The following FAM241A variants were observed in gnomAD, a reference collection of about 807,000 sequenced individuals.
FAM241A encodes the protein family with sequence similarity 241 member A, also known as uncharacterized protein FAM241A.
In FAM241A, 7 loss-of-function variants were observed where a neutral mutation model predicts 12.2. The observed-to-expected ratio is 0.58, with a 90% CI of 0.33 to 1.08. The LOEUF (loss-of-function observed/expected upper bound fraction) is 1.08, where lower values mean the gene tolerates loss of function less well. Ranked by LOEUF, FAM241A falls within the 50% of genes least tolerant of loss-of-function variation. FAM241A has a pLI of 0.04. For synonymous variants in FAM241A, 74 were observed against 68.2 expected (o/e 1.08, Z -0.42); for missense variants, 161 against 169.7 (o/e 0.95, Z 0.29).
At position 112,191,965 on chromosome 4, in the gene FAM241A, A is replaced by G. The variant is rs1724174488; in HGVS notation, c.*5027A>G. 1 of 152,100 alleles carries G rather than the reference A, an allele frequency of 6.6e-6. No individual in the cohort carries two copies. Among genetic ancestry groups the G allele is most frequent in the South Asian group, 2.1e-4 (1 of 4,822 alleles). 9.4% of individuals were successfully genotyped at this position (152,100 alleles called of 1,614,324 possible). A position where few individuals can be genotyped will look rare whatever the true frequency, so the allele number is the denominator to read the frequency against. On this transcript the variant is annotated 3_prime_UTR_variant, in exon 2 of 2. Coordinates refer to ENST00000309733, the MANE Select transcript of FAM241A (RefSeq NM_152400.3). ...GGCCATCAAAATATTTATCAAGTAA[A>G]CCCACTTCATCTACTCATGGTCTTC...
chr4:112,169,351 G>T (rs2110428910), intron 1 of FAM241A, among the ~76,000 whole-genome samples: 1 of 152,152 alleles, frequency 6.6e-6, no homozygotes, highest in Middle Eastern at 3.4e-3. Context: ...TTCCAATCAG[G>T]ATCTATATTT....
rs191132304 is a variant in FAM241A at position 112,165,885 on chromosome 4, A to G, written c.153+20152A>G. ...TGTTGTCAAAATAATTTAATTGTAC[A>G]TTTAAAAATAACTAAAAGTATAATT... On this transcript the variant is annotated intron_variant, in intron 1 of 1. Transcript: ENST00000309733. Among the ~76,000 whole-genome samples, 169 of 152,322 alleles carry G rather than the reference A, an allele frequency of 1.1e-3. 1 individual carries two copies. The highest frequency in any genetic ancestry group is 4.0e-3 in the African/African-American group (166 of 41,564).
At position 112,166,241 on chromosome 4, in the gene FAM241A, A is replaced by G. The variant is rs1723592908; in HGVS notation, c.154-20452A>G. On this transcript the variant is annotated intron_variant, in intron 1 of 1. Transcript: ENST00000309733. ...TTTTTTTGTATTTTTTTTTTTTAGT[A>G]GAGACGGGGTTTCACAGTGTTAGCA... Among the ~76,000 whole-genome samples, 3 of 151,218 alleles carry G rather than the reference A, an allele frequency of 2.0e-5. No individual in the cohort carries two copies. The South Asian group carries it at 6.3e-4, about 32-fold the overall frequency.
chr4:112,174,060 T>C (rs1366651542), intron 1 of FAM241A, among the ~76,000 whole-genome samples: 4 of 152,178 alleles, frequency 2.6e-5, no homozygotes, highest in Non-Finnish European at 5.9e-5. Context: ...AGGCCTCTGG[T>C]GTTTTTCAGC....
intron 1 of FAM241A, among the ~76,000 whole-genome samples, chr4:112,170,259 C>G (rs1390050046): frequency 6.6e-6 from 1 of 152,140 alleles, no homozygotes; most frequent in Admixed American, 6.5e-5. Flanking sequence ...AGTAGTCCCC[C>G]CTTATCCACA....
Position 112,151,348 on chromosome 4 carries a change from C to T in FAM241A, c.153+5615C>T, listed in dbSNP as rs77221390. On this transcript the variant is annotated intron_variant, in intron 1 of 1. Coordinates refer to ENST00000309733, the MANE Select transcript of FAM241A (RefSeq NM_152400.3). Reference sequence around the variant, plus strand: ...CTAAGGCCCTTACCAGAAGGAGATGCCAGCACTATGTTTCGTGTACAGCCT... The same window carrying T: ...CTAAGGCCCTTACCAGAAGGAGATGTCAGCACTATGTTTCGTGTACAGCCT... Among the ~76,000 whole-genome samples, 303 of 152,304 alleles carry T rather than the reference C, an allele frequency of 2.0e-3. 2 individuals carry two copies. Among genetic ancestry groups the T allele is most frequent in the African/African-American group, 6.9e-3 (285 of 41,556 alleles).
At chr4:112,159,096 C>A (rs1723410731) in intron 1 of FAM241A, among the ~76,000 whole-genome samples, 1 of 152,108 alleles carries the variant, frequency 6.6e-6, no homozygotes, top group African/African-American at 2.4e-5. Context: ...TGGCTTATTT[C>A]ACTTTTAAAT....
At chr4:112,183,089 A>G (rs375367326) in intron 1 of FAM241A, among the ~76,000 whole-genome samples, 5 of 151,740 alleles carry the variant, frequency 3.3e-5, no homozygotes, top group South Asian at 2.1e-4. Flanking sequence ...ACAGAACTTC[A>G]TTTGTGAAGA....
intron 1 of FAM241A, among the ~76,000 whole-genome samples, chr4:112,145,957 G>A (rs925636637): frequency 1.3e-5 from 2 of 152,012 alleles, no homozygotes; most frequent in African/African-American, 4.8e-5. Context: ...CGGCCCCGGG[G>A]TCGCGTGTCT....
Position 112,187,032 on chromosome 4 carries a change from C to T in FAM241A, c.*94C>T, listed in dbSNP as rs1385131655. On this transcript the variant is annotated 3_prime_UTR_variant, in exon 2 of 2. Coordinates refer to ENST00000309733, the MANE Select transcript of FAM241A (RefSeq NM_152400.3). ...CTTTTTGACAACCGAAAAAGTTTGC[C>T]TTGTTTCAAATCATGTGCTGGCTGT... 2 of 1,444,048 alleles carry T rather than the reference C, an allele frequency of 1.4e-6. No homozygotes were observed. Among genetic ancestry groups the T allele is most frequent in the Non-Finnish European group, 1.9e-6 (2 of 1,068,418 alleles). The allele number at this position is 1,444,048 out of a possible 1,614,324, so 89.5% of individuals were successfully genotyped here.
intron 1 of FAM241A, among the ~76,000 whole-genome samples, chr4:112,168,264 C>G (rs1336779269): frequency 1.3e-5 from 2 of 152,212 alleles, no homozygotes; most frequent in Non-Finnish European, 2.9e-5. Context: ...ATCTACAAGA[C>G]TAGATTCCTA....
rs186600151 is a variant in FAM241A, at chr4:112,166,427, C to G, written c.154-20266C>G. On this transcript the variant is annotated intron_variant, in intron 1 of 1. Transcript: ENST00000309733. ...TAAAATGAATTTGTTTATTCTACTT[C>G]CCTTTAAATATGTGGTTCAACTCCT... Among the ~76,000 whole-genome samples the G allele has an allele frequency of 7.6e-4, 116 of 152,148 alleles. 3 individuals carry two copies. The highest frequency in any genetic ancestry group is 2.1e-4 in the Non-Finnish European group (14 of 67,996).
At chr4:112,157,719 CA>C (rs979416302) in intron 1 of FAM241A, among the ~76,000 whole-genome samples, 1 of 151,938 alleles carries the variant, frequency 6.6e-6, no homozygotes, top group Non-Finnish European at 1.5e-5. Flanking sequence ...AGATCACTCC[CA>C]AAAAAACACC....
chr4:112,147,387 A>G (rs1027221378), intron 1 of FAM241A, among the ~76,000 whole-genome samples: 2 of 152,252 alleles, frequency 1.3e-5, no homozygotes, highest in African/African-American at 4.8e-5. Context: ...CACACCGGAG[A>G]TAGGCATTTC....
At position 112,195,071 on chromosome 4, in the gene FAM241A, C is replaced by T. The variant is rs1363744242; in HGVS notation, c.*8133C>T. On this transcript the variant is annotated 3_prime_UTR_variant, in exon 2 of 2. Coordinates refer to ENST00000309733, the MANE Select transcript of FAM241A (RefSeq NM_152400.3). Reference sequence around the variant, plus strand: ...ACAGGCGTGAGCCACTGCACCCGGCCTACATTTTAATTTTTACAAAAAACT... The same window carrying T: ...ACAGGCGTGAGCCACTGCACCCGGCTTACATTTTAATTTTTACAAAAAACT... 6.6e-6 allele frequency: 1 copy of T among 152,200 alleles called. No homozygotes were observed. Among genetic ancestry groups the T allele is most frequent in the Non-Finnish European group, 1.5e-5 (1 of 68,048 alleles). The allele number at this position is 152,200 out of a possible 1,614,324, so 9.4% of individuals were successfully genotyped here.
intron 1 of FAM241A, among the ~76,000 whole-genome samples, chr4:112,166,537 T>A (rs867892236): frequency 2.0e-5 from 3 of 152,126 alleles, no homozygotes; most frequent in Non-Finnish European, 4.4e-5. Flanking sequence ...CAGCAAAGCA[T>A]GTTTTCTGAA....
In FAM241A at chr4:112,145,526, G is replaced by A; in HGVS notation, c.-55G>A. On this transcript the variant is annotated 5_prime_UTR_variant, in exon 1 of 2. Transcript: ENST00000309733. ...CCTTCGGGCGGCGGCGCTGCCTGGTGCGTCGCGGCGTGGTCCTCCGGCGGC... is the reference window on the plus strand; with the variant it reads ...CCTTCGGGCGGCGGCGCTGCCTGGTACGTCGCGGCGTGGTCCTCCGGCGGC... 1 of 1,213,786 alleles carries A rather than the reference G, an allele frequency of 8.2e-7. No homozygotes were observed. The highest frequency in any genetic ancestry group is 1.0e-6 in the Non-Finnish European group (1 of 974,398). 75.2% of individuals were successfully genotyped at this position (1,213,786 alleles called of 1,614,324 possible).
chr4:112,174,679 A>G (rs1447066641), intron 1 of FAM241A, among the ~76,000 whole-genome samples: 2 of 152,192 alleles, frequency 1.3e-5, no homozygotes, highest in African/African-American at 4.8e-5. Context: ...GATCAAAGTC[A>G]ACTGTGAGAA....
rs1459662875 is a variant in FAM241A, at chr4:112,166,970, C to T, written c.154-19723C>T. Reference sequence around the variant, plus strand: ...TCTACTAAAAATACAAAAAATTAGCCGGGCGTAGTGGCGGGCGCCTGTAGT... The same window carrying T: ...TCTACTAAAAATACAAAAAATTAGCTGGGCGTAGTGGCGGGCGCCTGTAGT... On this transcript the variant is annotated intron_variant, in intron 1 of 1. Coordinates refer to ENST00000309733, the MANE Select transcript of FAM241A (RefSeq NM_152400.3). Among the ~76,000 whole-genome samples the T allele has an allele frequency of 2.8e-5, 3 of 107,980 alleles. 1 individual carries two copies. The highest frequency in any genetic ancestry group is 5.4e-5 in the Non-Finnish European group (3 of 55,300). The allele number at this position is 107,980 out of a possible 152,430, so 70.8% of individuals were successfully genotyped here. A position where few individuals can be genotyped will look rare whatever the true frequency, so the allele number is the denominator to read the frequency against.
Sources: gnomAD v4.1 joint callset for allele counts (sites outside exome capture counted in the v4.1 genomes callset) on GRCh38, gnomAD v4.1.1 for gene constraint, MANE v1.5 for transcripts, NCBI Gene and HGNC (gene_info 2026-07-23, HGNC 2026-07-21) for gene names.